The following ADARB2 variants were observed in gnomAD, a reference collection of about 807,000 sequenced individuals.
ADARB2 encodes adenosine deaminase RNA specific B2 (inactive).
ADARB2 carries 25 observed loss-of-function variants against 62.2 expected under a neutral mutation model. The ratio of observed to expected loss-of-function variants is 0.40; its 90% CI spans 0.29 to 0.56. ADARB2 has a LOEUF of 0.56. Among genes scored for constraint, ADARB2 ranks in the 20% least tolerant of loss-of-function variants. The probability of loss-of-function intolerance (pLI) is 0.43; values close to 1 mark genes in which losing one functional copy is unlikely to be tolerated. For synonymous variants in ADARB2, 572 were observed against 500.8 expected (o/e 1.14, Z -1.90); for missense variants, 1,071 against 1,077.4 (o/e 0.99, Z 0.08).
intron 3 of ADARB2, among the ~76,000 whole-genome samples, chr10:1,282,504 G>A (rs558252370): frequency 7.1e-4 from 108 of 152,322 alleles, no homozygotes; most frequent in African/African-American, 2.1e-3. Context: ...TGATGACATA[G>A]GGTGTTAGAA....
At chr10:1,213,351 G>A (rs1242892072) in intron 7 of ADARB2, among the ~76,000 whole-genome samples, 1 of 151,864 alleles carries the variant, frequency 6.6e-6, no homozygotes, top group East Asian at 1.9e-4. Flanking sequence ...AGAGCGAGAG[G>A]AGGAGGGAGA....
intron 1 of ADARB2, among the ~76,000 whole-genome samples, chr10:1,506,339 C>T (rs180887764): frequency 3.0e-4 from 46 of 152,224 alleles, no homozygotes; most frequent in African/African-American, 1.0e-3. Flanking sequence ...GGGGGAAATG[C>T]TGGAATGCCT....
At chr10:1,303,566 C>T (rs1831595638) in intron 3 of ADARB2, among the ~76,000 whole-genome samples, 1 of 151,996 alleles carries the variant, frequency 6.6e-6, no homozygotes, top group Non-Finnish European at 1.5e-5. Flanking sequence ...AACTCCAAGA[C>T]ACATAATTGT....
rs1228493330 is a variant in ADARB2 at position 1,178,701 on chromosome 10, G to A, written c.*4492C>T. On this transcript the variant is annotated 3_prime_UTR_variant, in exon 10 of 10. Coordinates refer to ENST00000381312, the MANE Select transcript of ADARB2 (RefSeq NM_018702.4). ...TGCTACTGCCTCTCCTGCAACACAG[G>A]GCTTCTAAATTTCCACCTCCAACCG... The A allele has an allele frequency of 1.3e-5, 2 of 152,174 alleles. No homozygotes were observed. Among genetic ancestry groups the A allele is most frequent in the Non-Finnish European group, 2.9e-5 (2 of 68,052 alleles). 9.4% of individuals were successfully genotyped at this position (152,174 alleles called of 1,614,324 possible).
At chr10:1,580,609 C>A (rs542984338) in intron 1 of ADARB2, among the ~76,000 whole-genome samples, 1 of 152,146 alleles carries the variant, frequency 6.6e-6, no homozygotes, top group African/African-American at 2.4e-5. Flanking sequence ...GCACAACCAC[C>A]CCGTTATCAA....
intron 1 of ADARB2, among the ~76,000 whole-genome samples, chr10:1,467,207 C>A (rs1185820231): frequency 6.6e-6 from 1 of 152,178 alleles, no homozygotes; most frequent in East Asian, 1.9e-4. Flanking sequence ...AATACTGTAA[C>A]TGCTCATCGG....
At chr10:1,492,413 G>A (rs372361855) in intron 1 of ADARB2, among the ~76,000 whole-genome samples, 9 of 152,254 alleles carry the variant, frequency 5.9e-5, no homozygotes, top group East Asian at 3.9e-4. Flanking sequence ...AAAGAGAGTC[G>A]TGAGGGAACA....
At chr10:1,688,812 T>C (rs1834632138) in intron 1 of ADARB2, among the ~76,000 whole-genome samples, 1 of 152,242 alleles carries the variant, frequency 6.6e-6, no homozygotes, top group African/African-American at 2.4e-5. Context: ...AAAGCCTTTT[T>C]ATACACCTTC....
chr10:1,523,968 T>C (rs1313468527), intron 1 of ADARB2, among the ~76,000 whole-genome samples: 2 of 152,216 alleles, frequency 1.3e-5, no homozygotes, highest in Non-Finnish European at 1.5e-5. Context: ...TCCATCCATC[T>C]ACTCATTCAT....
intron 4 of ADARB2, among the ~76,000 whole-genome samples, chr10:1,243,109 T>A (rs946251230): frequency 2.6e-5 from 4 of 152,136 alleles, no homozygotes; most frequent in African/African-American, 9.7e-5. Context: ...AAGGGCTCCC[T>A]AGGGAGTCCG....
At chr10:1,609,741 G>C (rs1366210427) in intron 1 of ADARB2, among the ~76,000 whole-genome samples, 1 of 152,230 alleles carries the variant, frequency 6.6e-6, no homozygotes, top group Non-Finnish European at 1.5e-5. Context: ...CCCACACACT[G>C]GGCTCTACTG....
At chr10:1,485,250 G>A (rs763770832) in intron 1 of ADARB2, among the ~76,000 whole-genome samples, 6 of 151,982 alleles carry the variant, frequency 3.9e-5, no homozygotes, top group Non-Finnish European at 7.4e-5. Context: ...ATTTATGTAG[G>A]TATGTAGGTG....
chr10:1,615,827 G>A (rs370762105), intron 1 of ADARB2, among the ~76,000 whole-genome samples: 24 of 152,222 alleles, frequency 1.6e-4, no homozygotes, highest in East Asian at 9.6e-4. Flanking sequence ...CCCTCCCTTC[G>A]GAAAGTGGGT....
At chr10:1,600,028 T>C (rs574892851) in intron 1 of ADARB2, among the ~76,000 whole-genome samples, 1 of 152,168 alleles carries the variant, frequency 6.6e-6, no homozygotes, top group Non-Finnish European at 1.5e-5. Flanking sequence ...TACAGACATG[T>C]GCCACTGTGC....
intron 1 of ADARB2, among the ~76,000 whole-genome samples, chr10:1,707,019 G>C: frequency 6.6e-6 from 1 of 152,050 alleles, no homozygotes; most frequent in East Asian, 1.9e-4. Flanking sequence ...ACCCGGTCCA[G>C]AGTGAAGAGG....
intron 1 of ADARB2, among the ~76,000 whole-genome samples, chr10:1,444,558 T>C (rs1830944289): frequency 6.7e-6 from 1 of 148,768 alleles, no homozygotes; most frequent in Admixed American, 6.7e-5. Context: ...CATTCATCCA[T>C]CCATCCATCC....
intron 3 of ADARB2, among the ~76,000 whole-genome samples, chr10:1,317,679 G>A (rs1831751607): frequency 6.6e-6 from 1 of 151,464 alleles, no homozygotes; most frequent in Non-Finnish European, 1.5e-5. Context: ...TCACTCCTTG[G>A]GCAGTACTGA....
intron 4 of ADARB2, among the ~76,000 whole-genome samples, chr10:1,251,574 T>G (rs1831038301): frequency 6.6e-6 from 1 of 152,184 alleles, no homozygotes; most frequent in South Asian, 2.1e-4. Context: ...CAAAGAATGG[T>G]TTTTGGGTGA....
intron 1 of ADARB2, among the ~76,000 whole-genome samples, chr10:1,669,956 A>C (rs1834362983): frequency 6.6e-6 from 1 of 152,118 alleles, no homozygotes; most frequent in Non-Finnish European, 1.5e-5. Flanking sequence ...ACACATGCAG[A>C]CACACAGACA....
Sources: gnomAD v4.1 joint callset for allele counts (sites outside exome capture counted in the v4.1 genomes callset) on GRCh38, gnomAD v4.1.1 for gene constraint, MANE v1.5 for transcripts, NCBI Gene and HGNC (gene_info 2026-07-23, HGNC 2026-07-21) for gene names.